Variants in LRCH1 observed in about 807,000 individuals in gnomAD.
The protein encoded by LRCH1 is leucine-rich repeat and calponin homology domain-containing protein 1.
In LRCH1, 23 loss-of-function variants were observed where a neutral mutation model predicts 94.9. The observed-to-expected ratio is 0.24, with a 90% CI of 0.17 to 0.34. The LOEUF (loss-of-function observed/expected upper bound fraction) is 0.34. LRCH1 is among the 10% of genes least tolerant of loss of function. LRCH1 has a pLI of 1.00. For synonymous variants in LRCH1, 364 were observed against 354.9 expected, an observed-to-expected ratio of 1.03 and a Z score of -0.29; for missense variants, 790 against 945.9, an observed-to-expected ratio of 0.84 and a Z score of 2.16.
intron 11 of LRCH1, among the ~76,000 whole-genome samples, chr13:46,701,748 G>A (rs1019145777): frequency 5.3e-5 from 8 of 152,112 alleles, no homozygotes; most frequent in South Asian, 2.1e-4. Flanking sequence ...AATATTTTTC[G>A]ATTTCTTAAC....
chr13:46,573,866 A>ATATATATATATATATATATAGATATATT, intron 1 of LRCH1, among the ~76,000 whole-genome samples: 1 of 63,420 alleles, frequency 1.6e-5, no homozygotes, highest in Non-Finnish European at 3.2e-5. Flanking sequence ...ATATATATAT[A>ATATATATATATATATATATAGATATATT]TTTTTTTTTT....
rs1422783942 is a variant in LRCH1 at position 46,715,672 on chromosome 13, G to A, written c.1759+8G>A. 4.0e-6 allele frequency: 6 copies of A among 1,491,630 alleles called. No individual in the cohort carries two copies. Among genetic ancestry groups the A allele is most frequent in the South Asian group, 1.2e-5 (1 of 83,136 alleles). 92.4% of individuals were successfully genotyped at this position (1,491,630 alleles called of 1,614,324 possible). On this transcript the variant is annotated splice_region_variant and intron_variant, in intron 16 of 19. Transcript: ENST00000389797. ...AAGGAGACAGTGACAATGGTAGGTG[G>A]CTTTGTACCTATTCTCCAATGTTCT...
intron 1 of LRCH1, among the ~76,000 whole-genome samples, chr13:46,595,169 C>T (rs752595191): frequency 2.0e-5 from 3 of 152,204 alleles, no homozygotes; most frequent in Non-Finnish European, 2.9e-5. Context: ...CCATACCCAT[C>T]GAGAACCCTA....
At chr13:46,562,060 G>A (rs531221089) in intron 1 of LRCH1, among the ~76,000 whole-genome samples, 1 of 152,286 alleles carries the variant, frequency 6.6e-6, no homozygotes, top group African/African-American at 2.4e-5. Context: ...GACAGAAAAT[G>A]CTAGAAAAAC....
intron 1 of LRCH1, among the ~76,000 whole-genome samples, chr13:46,609,611 A>G (rs2050725449): frequency 6.6e-6 from 1 of 152,218 alleles, no homozygotes; most frequent in African/African-American, 2.4e-5. Context: ...AAACTAATTC[A>G]TTCAACCAAA....
intron 1 of LRCH1, among the ~76,000 whole-genome samples, chr13:46,644,267 G>A (rs1024623581): frequency 9.9e-5 from 15 of 152,232 alleles, no homozygotes; most frequent in African/African-American, 3.4e-4. Context: ...AACTTTGCCA[G>A]CTGTCATTCA....
At chr13:46,711,674 G>A in intron 13 of LRCH1, 117 bp from the exon 14 acceptor site, 1 of 649,658 alleles carries the variant, frequency 1.5e-6, no homozygotes, top group Non-Finnish European at 2.7e-6. Context: ...TAATTCAACA[G>A]ATATTCATTG....
chr13:46,638,930 A>G (rs1424622862), intron 1 of LRCH1, among the ~76,000 whole-genome samples: 1 of 152,216 alleles, frequency 6.6e-6, no homozygotes, highest in African/African-American at 2.4e-5. Flanking sequence ...TGTGAAGTAT[A>G]TAATAAAAGA....
chr13:46,635,732 A>G (rs1207548950), intron 1 of LRCH1, among the ~76,000 whole-genome samples: 1 of 149,544 alleles, frequency 6.7e-6, no homozygotes, highest in South Asian at 2.1e-4. Flanking sequence ...CGGCCTCCCA[A>G]AGTGCTGGGA....
chr13:46,721,762 C>T (rs1872590632), intron 16 of LRCH1, among the ~76,000 whole-genome samples: 1 of 152,182 alleles, frequency 6.6e-6, no homozygotes, highest in African/African-American at 2.4e-5. Flanking sequence ...TCTGAGATTC[C>T]AGAAGGCGAC....
chr13:46,682,565 T>C (rs1029442696), intron 4 of LRCH1, among the ~76,000 whole-genome samples: 2 of 152,232 alleles, frequency 1.3e-5, no homozygotes, highest in Non-Finnish European at 2.9e-5. Context: ...TACTTTGTTC[T>C]ACAGATCCTG....
intron 3 of LRCH1, among the ~76,000 whole-genome samples, chr13:46,670,100 G>A (rs762687235): frequency 5.9e-5 from 9 of 152,182 alleles, no homozygotes; most frequent in Non-Finnish European, 1.2e-4. Flanking sequence ...AGTGGGATTG[G>A]GCTAGGAGAG....
In LRCH1 at chr13:46,650,251, G is replaced by T; in HGVS notation, c.358G>T (p.Val120Leu). The change falls in exon 2 of 20, where the codon GTA (valine) becomes TTA (leucine). Residue 120 changes from valine to leucine, a missense_variant. Coordinates refer to ENST00000389797, the MANE Select transcript of LRCH1 (RefSeq NM_001164211.2). The stretch of plus-strand genomic sequence containing the variant: ...AGTTCCAATGGAATTGTGCCATTTT[G>T]TATCACTGGAAATTCTTAATCTGTA... ...VEVPMELCHF[V>L]SLEILNLYHN... 1.2e-6 allele frequency: 2 copies of T among 1,612,510 alleles called. No homozygotes were observed. The highest frequency in any genetic ancestry group is 1.7e-6 in the Non-Finnish European group (2 of 1,179,016).
chr13:46,696,593 A>G (rs1871202679), intron 9 of LRCH1, among the ~76,000 whole-genome samples: 1 of 152,210 alleles, frequency 6.6e-6, no homozygotes, highest in Non-Finnish European at 1.5e-5. Flanking sequence ...CTGTAGATGG[A>G]AACTAGAGGA....
rs572855599 is a variant in LRCH1 at position 46,743,930 on chromosome 13, T to G, written c.*2082T>G. 11 of 985,454 alleles carry G rather than the reference T, an allele frequency of 1.1e-5. No individual in the cohort carries two copies. The highest frequency in any genetic ancestry group is 8.7e-5 in the African/African-American group (5 of 57,362). The allele number at this position is 985,454 out of a possible 1,614,324, so 61.0% of individuals were successfully genotyped here. ...TTCTTTGGACGCACTTTGATTTTTT[T>G]TGTGTCATTAATTTGTCTGTACTCT... On this transcript the variant is annotated 3_prime_UTR_variant, in exon 20 of 20. Transcript: ENST00000389797.
chr13:46,689,994 T>C (rs1050471175), intron 7 of LRCH1, among the ~76,000 whole-genome samples: 1 of 152,084 alleles, frequency 6.6e-6, no homozygotes, highest in Admixed American at 6.6e-5. Flanking sequence ...GTTAACATTA[T>C]AATACTGTGA....
At chr13:46,555,391 G>A (rs2050053071) in intron 1 of LRCH1, among the ~76,000 whole-genome samples, 1 of 152,236 alleles carries the variant, frequency 6.6e-6, no homozygotes, top group Non-Finnish European at 1.5e-5. Context: ...CTTCATAGTT[G>A]TTCTACTTCA....
downstream of LRCH1, among the ~76,000 whole-genome samples, chr13:46,746,278 C>T (rs1873905561): frequency 2.0e-5 from 3 of 152,128 alleles, no homozygotes; most frequent in Admixed American, 6.5e-5. Context: ...CCAATACAAA[C>T]CTGTAGTGTT....
chr13:46,641,481 A>G (rs573572872), intron 1 of LRCH1, among the ~76,000 whole-genome samples: 4 of 152,218 alleles, frequency 2.6e-5, no homozygotes, highest in Non-Finnish European at 5.9e-5. Flanking sequence ...CCAGTTATTG[A>G]GACATCATGA....
Sources: allele counts gnomAD v4.1 joint callset (sites outside exome capture counted in the v4.1 genomes callset), GRCh38; gene constraint gnomAD v4.1.1; transcripts MANE v1.5; gene names NCBI Gene and HGNC (gene_info 2026-07-23, HGNC 2026-07-21).